Variants in CNTN4 observed in about 807,000 individuals in gnomAD.
The protein encoded by CNTN4 is contactin 4.
A neutral mutation model predicts 122.5 loss-of-function variants in CNTN4; 77 were observed. That is an observed-to-expected ratio of 0.63 (90% confidence interval 0.52 to 0.76). The LOEUF (loss-of-function observed/expected upper bound fraction) is 0.76. Ranked by LOEUF, CNTN4 falls within the 30% of genes least tolerant of loss-of-function variation. CNTN4 has a pLI of 0.00. For synonymous variants in CNTN4, 512 were observed against 447.0 expected (o/e 1.15, Z -1.83); for missense variants, 1,256 against 1,259.1 (o/e 1.00, Z 0.04).
At chr3:2,628,824 A>G (rs919221598) in intron 4 of CNTN4, among the ~76,000 whole-genome samples, 1 of 152,042 alleles carries the variant, frequency 6.6e-6, no homozygotes, top group African/African-American at 2.4e-5. Flanking sequence ...TCACAAAATT[A>G]TTTTCTGGAT....
At chr3:2,778,037 A>G (rs903101548) in intron 6 of CNTN4, among the ~76,000 whole-genome samples, 15 of 150,724 alleles carry the variant, frequency 1.0e-4, no homozygotes, top group Admixed American at 6.0e-4. Context: ...ACACGGTGAA[A>G]CCCCGTCTCT....
At chr3:2,987,733 A>T (rs888440750) in intron 13 of CNTN4, among the ~76,000 whole-genome samples, 2 of 152,236 alleles carry the variant, frequency 1.3e-5, no homozygotes, top group African/African-American at 4.8e-5. Context: ...TGCAGAAAGT[A>T]GATGTTTGTC....
intron 4 of CNTN4, among the ~76,000 whole-genome samples, chr3:2,674,337 G>GAT (rs1403501098): frequency 7.9e-5 from 12 of 151,958 alleles, no homozygotes; most frequent in African/African-American, 1.2e-4. Context: ...TATTTCTATT[G>GAT]ATATATATAA....
chr3:2,524,875 A>G (rs1012693155), intron 3 of CNTN4, among the ~76,000 whole-genome samples: 1 of 152,182 alleles, frequency 6.6e-6, no homozygotes, highest in African/African-American at 2.4e-5. Flanking sequence ...AAAGTTTAAT[A>G]GAATACCAGC....
At position 2,632,078 on chromosome 3, in the gene CNTN4, A is replaced by T. The variant is rs568534126; in HGVS notation, c.55+60520A>T. Among the ~76,000 whole-genome samples, 527 of 146,510 alleles carry T rather than the reference A, an allele frequency of 3.6e-3. 3 individuals carry two copies. Among genetic ancestry groups the T allele is most frequent in the Non-Finnish European group, 4.4e-3 (294 of 66,124 alleles). ...AATACACATACGCACACACACACACACACACACGTGTGTGTATGTATGTAT... is the reference window on the plus strand; with the variant it reads ...AATACACATACGCACACACACACACTCACACACGTGTGTGTATGTATGTAT... On this transcript the variant is annotated intron_variant, in intron 4 of 24. Transcript: ENST00000418658.
At chr3:2,532,778 TAATAAGATTATATTTTGATAGAAAA>T (rs1215213575) in intron 3 of CNTN4, among the ~76,000 whole-genome samples, 5 of 152,330 alleles carry the variant, frequency 3.3e-5, no homozygotes, top group Admixed American at 3.3e-4. Flanking sequence ...TGTCATACAG[TAATAAGATTATATTTTGATAGAAAA>T]AAGTCATATC....
intron 18 of CNTN4, 48 bp downstream of exon 18, chr3:3,037,376 C>G (rs761290288): frequency 6.2e-7 from 1 of 1,613,164 alleles, no homozygotes; most frequent in Admixed American, 1.7e-5. Flanking sequence ...AGCTGCTGTT[C>G]CTTAGGAAAA....
At chr3:2,791,065 C>A (rs1472980345) in intron 6 of CNTN4, among the ~76,000 whole-genome samples, 1 of 152,082 alleles carries the variant, frequency 6.6e-6, no homozygotes, top group African/African-American at 2.4e-5. Flanking sequence ...AAAGGCAGAC[C>A]AAGATTTGAG....
intron 2 of CNTN4, among the ~76,000 whole-genome samples, chr3:2,291,457 T>C (rs765276763): frequency 6.6e-6 from 1 of 152,088 alleles, no homozygotes. Context: ...CTCTCCCCCT[T>C]TAGATATTTG....
intron 3 of CNTN4, among the ~76,000 whole-genome samples, chr3:2,369,614 A>T (rs1415027822): frequency 6.6e-6 from 1 of 152,098 alleles, no homozygotes; most frequent in Admixed American, 6.6e-5. Context: ...TCAGGATTTG[A>T]GCCCATGCAG....
At chr3:2,712,936 C>T (rs1386585235) in intron 4 of CNTN4, among the ~76,000 whole-genome samples, 1 of 152,300 alleles carries the variant, frequency 6.6e-6, no homozygotes, top group Middle Eastern at 3.4e-3. Context: ...AAGCTCCACG[C>T]CCCTTCCCCA....
chr3:2,551,696 A>G (rs1464562065), intron 3 of CNTN4, among the ~76,000 whole-genome samples: 1 of 152,148 alleles, frequency 6.6e-6, no homozygotes, highest in Non-Finnish European at 1.5e-5. Context: ...TAAAAAAAAT[A>G]CCTTCCCTAA....
intron 3 of CNTN4, among the ~76,000 whole-genome samples, chr3:2,479,303 A>G (rs1430031078): frequency 6.6e-6 from 1 of 152,174 alleles, no homozygotes; most frequent in African/African-American, 2.4e-5. Context: ...ACAAATGAAC[A>G]TTTTTAAAAT....
chr3:2,333,253 G>A (rs948854616), intron 2 of CNTN4, among the ~76,000 whole-genome samples: 1 of 152,152 alleles, frequency 6.6e-6, no homozygotes. Context: ...TCAAGACCCA[G>A]AAATTAGACT....
At chr3:2,988,548 A>G (rs1694787410) in intron 14 of CNTN4, 76 bp downstream of exon 14, 3 of 1,459,150 alleles carry the variant, frequency 2.1e-6, no homozygotes, top group Non-Finnish European at 1.9e-6. Flanking sequence ...CCGAAGTGGC[A>G]TCATTCATAT....
intron 7 of CNTN4, among the ~76,000 whole-genome samples, chr3:2,835,959 A>G (rs1226071861): frequency 1.3e-5 from 2 of 152,176 alleles, no homozygotes; most frequent in African/African-American, 4.8e-5. Context: ...AGGAGCTTTG[A>G]GATATGAGAT....
chr3:2,415,087 A>G (rs992154145), intron 3 of CNTN4, among the ~76,000 whole-genome samples: 1 of 152,156 alleles, frequency 6.6e-6, no homozygotes, highest in Non-Finnish European at 1.5e-5. Context: ...GAGCATCACT[A>G]TTTTTTATAC....
At chr3:2,638,557 CAAT>C (rs2082766959) in intron 4 of CNTN4, among the ~76,000 whole-genome samples, 1 of 151,914 alleles carries the variant, frequency 6.6e-6, no homozygotes, top group African/African-American at 2.4e-5. Flanking sequence ...CTGCAATAAT[CAAT>C]AAACTTTGAT....
chr3:2,573,367 A>G (rs1235556396), intron 4 of CNTN4, among the ~76,000 whole-genome samples: 16 of 151,922 alleles, frequency 1.1e-4, no homozygotes, highest in Non-Finnish European at 1.5e-5. Context: ...GATATTATTT[A>G]TTTCCCCCAT....
Sources: allele counts gnomAD v4.1 joint callset (sites outside exome capture counted in the v4.1 genomes callset), GRCh38; gene constraint gnomAD v4.1.1; transcripts MANE v1.5; gene names NCBI Gene and HGNC (gene_info 2026-07-23, HGNC 2026-07-21).